ICA1L: variants seen among roughly 807,000 people sequenced by gnomAD.
ICA1L encodes the protein islet cell autoantigen 1 like, also known as islet cell autoantigen 1-like protein.
A neutral mutation model predicts 61.3 loss-of-function variants in ICA1L; 50 were observed. The observed-to-expected ratio is 0.82, with a 90% CI of 0.65 to 1.03. ICA1L has a LOEUF of 1.03. ICA1L is among the 50% of genes least tolerant of loss of function. The probability of loss-of-function intolerance (pLI) is 0.00; values close to 1 mark genes in which losing one functional copy is unlikely to be tolerated. For synonymous variants in ICA1L, 161 were observed against 191.3 expected, an observed-to-expected ratio of 0.84 and a Z score of 1.31; for missense variants, 508 against 556.7, an observed-to-expected ratio of 0.91 and a Z score of 0.88.
At chr2:202,838,324 G>A (rs1450256381) in intron 1 of ICA1L, among the ~76,000 whole-genome samples, 1 of 152,078 alleles carries the variant, frequency 6.6e-6, no homozygotes, top group African/African-American at 2.4e-5. Context: ...AAATTTTTAA[G>A]ACTTATATTG....
chr2:202,852,871 T>C (rs1254625097), intron 1 of ICA1L, among the ~76,000 whole-genome samples: 1 of 150,326 alleles, frequency 6.7e-6, no homozygotes, highest in Non-Finnish European at 1.5e-5. Context: ...ATATGACCAA[T>C]GGAACAGAAC....
At chr2:202,869,701 AAAT>A (rs1384762061) in intron 1 of ICA1L, 1 of 152,164 alleles carries the variant, frequency 6.6e-6, no homozygotes, top group East Asian at 1.9e-4. Context: ...AATCTCAACT[AAAT>A]TAAAAAAGGA....
At chr2:202,803,546 T>C (rs1009659141) in intron 9 of ICA1L, among the ~76,000 whole-genome samples, 1 of 152,098 alleles carries the variant, frequency 6.6e-6, no homozygotes, top group Non-Finnish European at 1.5e-5. Context: ...AAATCATTAT[T>C]ATTATTGAGA....
intron 1 of ICA1L, among the ~76,000 whole-genome samples, chr2:202,863,234 A>G (rs923906388): frequency 1.6e-4 from 24 of 151,158 alleles, no homozygotes; most frequent in African/African-American, 4.6e-4. Context: ...GGAGGTTGCA[A>G]TGAGCCAAGA....
chr2:202,828,798 G>A (rs758299959), intron 2 of ICA1L, 50 bp downstream of exon 2: 2 of 1,482,814 alleles, frequency 1.3e-6, no homozygotes, highest in Admixed American at 1.7e-5. Context: ...TCCCCTTGGA[G>A]CCCCAAATAA....
intron 1 of ICA1L, among the ~76,000 whole-genome samples, chr2:202,862,792 G>A (rs902419274): frequency 6.6e-6 from 1 of 151,356 alleles, no homozygotes; most frequent in African/African-American, 2.4e-5. Context: ...AGTTGAGATT[G>A]TGCCATTGCA....
At chr2:202,783,625 T>C (rs540399893) in intron 12 of ICA1L, among the ~76,000 whole-genome samples, 1 of 152,356 alleles carries the variant, frequency 6.6e-6, no homozygotes, top group Non-Finnish European at 1.5e-5. Flanking sequence ...AAAGAGACTT[T>C]ACTAAATGCA....
chr2:202,862,968 G>GA (rs1427095835), intron 1 of ICA1L, among the ~76,000 whole-genome samples: 1 of 151,538 alleles, frequency 6.6e-6, no homozygotes, highest in Non-Finnish European at 1.5e-5. Context: ...AGCATGATTA[G>GA]AAAAAAGCTT....
At chr2:202,811,908 T>C (rs1693390349) in intron 8 of ICA1L, 119 bp from the exon 9 acceptor site, 1 of 725,564 alleles carries the variant, frequency 1.4e-6, no homozygotes, top group South Asian at 1.6e-5. Flanking sequence ...AAAATCATTG[T>C]CCACTAGATC....
Position 202,788,968 on chromosome 2 carries a change from G to A in ICA1L, c.1105C>T (p.Gln369Ter). The A allele has an allele frequency of 2.5e-6, 4 of 1,614,106 alleles. No homozygotes were observed. The South Asian group carries it at 4.4e-5, about 18-fold the overall frequency. ...SSTSEFTQEC[Q>*]TAFGSPSASL... ...GCACTGGGGCTCCCAAAGGCAGTCT[G>A]GCATTCTTGGGTAAATTCACTAGTA... Residue 369 changes from glutamine (Q) to a stop codon, truncating the protein, a stop_gained, in exon 11 of 13, where the codon CAG (glutamine) becomes TAG (stop). Transcript: ENST00000358299. LOFTEE classifies it high-confidence loss of function.
At position 202,773,919 on chromosome 2, in the gene ICA1L, G is replaced by C; in HGVS notation, c.*5614C>G. The C allele has an allele frequency of 6.7e-6, 8 of 1,201,296 alleles. No individual in the cohort carries two copies. The highest frequency in any genetic ancestry group is 9.8e-6 in the Non-Finnish European group (8 of 819,676). The allele number at this position is 1,201,296 out of a possible 1,614,324, so 74.4% of individuals were successfully genotyped here. ...CAGTGGAATAAGAACAGTCAACGTA[G>C]AAAGAGACAGAAAGATTCTTCTCTT... On this transcript the variant is annotated 3_prime_UTR_variant, in exon 13 of 13. Transcript: ENST00000358299.
At chr2:202,802,310 A>G (rs1180983460) in intron 9 of ICA1L, among the ~76,000 whole-genome samples, 1 of 152,110 alleles carries the variant, frequency 6.6e-6, no homozygotes, top group African/African-American at 2.4e-5. Flanking sequence ...AGAAGTTAAA[A>G]TATATGAGGA....
chr2:202,857,719 C>T (rs558580279), intron 1 of ICA1L, among the ~76,000 whole-genome samples: 3 of 152,278 alleles, frequency 2.0e-5, no homozygotes, highest in East Asian at 3.9e-4. Flanking sequence ...TTTTTGCAAT[C>T]TATCCTTCTG....
intron 1 of ICA1L, among the ~76,000 whole-genome samples, chr2:202,860,747 G>C (rs1284214657): frequency 3.3e-5 from 5 of 151,432 alleles, no homozygotes; most frequent in African/African-American, 1.2e-4. Flanking sequence ...GAAAGACTGT[G>C]TCTCAAAAAA....
chr2:202,812,467 C>T (rs1693405002), intron 8 of ICA1L, among the ~76,000 whole-genome samples: 1 of 152,064 alleles, frequency 6.6e-6, no homozygotes, highest in South Asian at 2.1e-4. Flanking sequence ...ATCCCAGCTA[C>T]CCAGGAGGCT....
chr2:202,836,810 T>TATAGATATATAGATATAG (rs1694162540), intron 1 of ICA1L, among the ~76,000 whole-genome samples: 1 of 148,398 alleles, frequency 6.7e-6, no homozygotes, highest in Non-Finnish European at 1.5e-5. Context: ...TATATAGATA[T>TATAGATATATAGATATAG]ATATAGATAT....
At chr2:202,840,356 T>A (rs1210107925) in intron 1 of ICA1L, 6 of 487,108 alleles carry the variant, frequency 1.2e-5, no homozygotes, top group Non-Finnish European at 2.4e-5. Context: ...ATCAGAGGAC[T>A]CGGACACCAG....
chr2:202,784,487 ATGAGT>A (rs1692516379), intron 12 of ICA1L, among the ~76,000 whole-genome samples: 1 of 152,214 alleles, frequency 6.6e-6, no homozygotes, highest in African/African-American at 2.4e-5. Flanking sequence ...TAATAAATAA[ATGAGT>A]TGAGGATAAG....
intron 10 of ICA1L, among the ~76,000 whole-genome samples, chr2:202,792,634 C>G (rs771115212): frequency 2.9e-4 from 44 of 152,172 alleles, no homozygotes; most frequent in South Asian, 1.2e-3. Flanking sequence ...GAAACCCCAT[C>G]TCTACTAAAA....
Sources: gnomAD v4.1 joint callset for allele counts (sites outside exome capture counted in the v4.1 genomes callset) on GRCh38, gnomAD v4.1.1 for gene constraint, MANE v1.5 for transcripts, NCBI Gene and HGNC (gene_info 2026-07-23, HGNC 2026-07-21) for gene names.